HSP90AB1: variants seen among roughly 807,000 people sequenced by gnomAD.
HSP90AB1 encodes heat shock protein HSP 90-beta.
Under a neutral mutation model 67.8 loss-of-function variants are expected in HSP90AB1, and 17 were observed. The ratio of observed to expected loss-of-function variants is 0.25; its 90% confidence interval spans 0.17 to 0.38. The LOEUF is 0.38. HSP90AB1 is among the 10% of genes least tolerant of loss of function. The probability of loss-of-function intolerance (pLI) is 1.00; values close to 1 mark genes in which losing one functional copy is unlikely to be tolerated. For synonymous variants in HSP90AB1, 390 were observed against 312.9 expected, an observed-to-expected ratio of 1.25 and a Z score of -2.60; for missense variants, 690 against 899.9, an observed-to-expected ratio of 0.77 and a Z score of 2.98.
chr6:44,250,649 T>G, intron 6 of HSP90AB1, 50 bp downstream of exon 6: 8 of 931,474 alleles, frequency 8.6e-6, no homozygotes, highest in Non-Finnish European at 1.2e-5. Flanking sequence ...TGGAGAGGAA[T>G]GAGTTAGGTG....
chr6:44,252,530 CTGT>C (rs962104088), intron 10 of HSP90AB1, among the ~76,000 whole-genome samples: 1 of 151,946 alleles, frequency 6.6e-6, no homozygotes, highest in African/African-American at 2.4e-5. Flanking sequence ...GGGTCTCGCT[CTGT>C]CACCCAGGCT....
chr6:44,253,571 T>TG lies in HSP90AB1; in HGVS notation c.2149dup (p.Ala717GlyfsTer11). 1 of 1,614,066 alleles carries TG rather than the reference T, an allele frequency of 6.2e-7. No individual in the cohort carries two copies. The highest frequency in any genetic ancestry group is 8.5e-7 in the Non-Finnish European group (1 of 1,179,904). ...TCCCCCCTCTCGAGGGCGATGAGGA[T>TG]GCGTCTCGCATGGAAGAAGTCGATT... On this transcript the variant is annotated frameshift_variant, in exon 12 of 12. Coordinates refer to ENST00000371646, the MANE Select transcript of HSP90AB1 (RefSeq NM_007355.4). LOFTEE classifies it high-confidence loss of function.
rs767449892 is a variant in HSP90AB1, at chr6:44,253,065, T to G, written c.1752T>G (p.Leu584=). 2 of 1,613,810 alleles carry G rather than the reference T, an allele frequency of 1.2e-6. No homozygotes were observed. The highest frequency in any genetic ancestry group is 2.7e-5 in the African/African-American group (2 of 74,922). The change falls in exon 11 of 12, where the codon CTT becomes CTG. Residue 584 remains leucine (L), a synonymous_variant. Coordinates refer to ENST00000371646, the MANE Select transcript of HSP90AB1 (RefSeq NM_007355.4). Reference sequence around the variant, plus strand: ...CACAGGTGACAATCTCCAATAGACTTGTGTCTTCACCTTGCTGCATTGTGA... The same window carrying G: ...CACAGGTGACAATCTCCAATAGACTGGTGTCTTCACCTTGCTGCATTGTGA... ...KVEKVTISNR[L]VSSPCCIVTS...
intron 10 of HSP90AB1, among the ~76,000 whole-genome samples, chr6:44,252,787 A>G (rs550710143): frequency 1.3e-4 from 19 of 148,388 alleles, no homozygotes; most frequent in Non-Finnish European, 2.4e-4. Flanking sequence ...GCAAGCCACC[A>G]TGCCTGGCCG....
upstream of HSP90AB1, chr6:44,246,439 A>AGACAGGCCTGGAAACTGCTG (rs1779911810): frequency 6.6e-6 from 1 of 152,502 alleles, no homozygotes. Context: ...GGGACCGCCG[A>AGACAGGCCTGGAAACTGCTG]GACAGGCCTG....
Position 44,250,068 on chromosome 6 carries a change from G to C in HSP90AB1, c.562G>C (p.Asp188His). The C allele has an allele frequency of 6.2e-7, 1 of 1,614,146 alleles. No individual in the cohort carries two copies. Among genetic ancestry groups the C allele is most frequent in the Non-Finnish European group, 8.5e-7 (1 of 1,179,982 alleles). ...GTKVILHLKE[D>H]QTEYLEERRV... is the part of the protein sequence containing the mutation. ...CAAAGTGATCCTCCATCTTAAAGAA[G>C]ATCAGACAGAGTACCTAGAAGAGAG... Residue 188 changes from aspartate to histidine, a missense_variant, in exon 5 of 12, where the codon GAT (aspartate) becomes CAT (histidine). Coordinates refer to ENST00000371646, the MANE Select transcript of HSP90AB1 (RefSeq NM_007355.4).
chr6:44,253,800 G>A lies in HSP90AB1; in HGVS notation c.*202G>A, dbSNP rs748593515. On this transcript the variant is annotated 3_prime_UTR_variant, in exon 12 of 12. Transcript: ENST00000371646. The stretch of plus-strand genomic sequence containing the variant: ...TCTACTCTTGACAGCAGGATTGGAT[G>A]TTGTGTATTGTGGTTTATTTTATTT... 2.1e-5 allele frequency: 16 copies of A among 772,220 alleles called. No individual in the cohort carries two copies. Among genetic ancestry groups the A allele is most frequent in the East Asian group, 4.9e-5 (2 of 40,750 alleles). 47.8% of individuals were successfully genotyped at this position (772,220 alleles called of 1,614,324 possible). A position where few individuals can be genotyped will look rare whatever the true frequency, so the allele number is the denominator to read the frequency against.
intron 6 of HSP90AB1, 51 bp downstream of exon 6, chr6:44,250,650 GAGTT>G: frequency 1.0e-6 from 1 of 981,080 alleles, no homozygotes; most frequent in Non-Finnish European, 1.6e-6. Flanking sequence ...GGAGAGGAAT[GAGTT>G]AGGTGGAAGA....
chr6:44,249,852 T>C lies in HSP90AB1; in HGVS notation c.514+18T>C, dbSNP rs1446542703. On this transcript the variant is annotated intron_variant, in intron 4 of 11. Transcript: ENST00000371646. ...TGACCATGGTAAGTTAGCTTTTCTG[T>C]TACAAGGTAGTTGGGTTAGGATTTT... 2.8e-5 allele frequency: 45 copies of C among 1,600,978 alleles called. No homozygotes were observed. The highest frequency in any genetic ancestry group is 3.8e-5 in the Non-Finnish European group (44 of 1,172,774).
chr6:44,251,819 T>A lies in HSP90AB1; in HGVS notation c.1397T>A (p.Met466Lys). 1.9e-6 allele frequency: 3 copies of A among 1,613,088 alleles called. No individual in the cohort carries two copies. Among genetic ancestry groups the A allele is most frequent in the Non-Finnish European group, 2.5e-6 (3 of 1,180,036 alleles). ...CATACCTCCCAGTCTGGAGATGAGATGACATCTCTGTCAGAGTATGTTTCT... is the reference window on the plus strand; with the variant it reads ...CATACCTCCCAGTCTGGAGATGAGAAGACATCTCTGTCAGAGTATGTTTCT... ...RYHTSQSGDEMTSLSEYVSRM... is the reference protein window; with the variant it reads ...RYHTSQSGDEKTSLSEYVSRM... The change falls in exon 9 of 12, where the codon ATG becomes AAG. Residue 466 changes from methionine to lysine, a missense_variant. Met to Lys is a moderately conservative substitution (Grantham distance 95). This residue lies in a region of HSP90AB1 where 206 missense variants were observed against 221.4 expected (regional missense o/e 0.93). Transcript: ENST00000371646.
chr6:44,248,543 T>C, intron 1 of HSP90AB1, 87 bp from the exon 2 acceptor site: 1 of 1,259,962 alleles, frequency 7.9e-7, no homozygotes, highest in Non-Finnish European at 1.1e-6. Context: ...ACTCACTGTC[T>C]AAGGTCCTAA....
rs34706947 is a variant in HSP90AB1, at chr6:44,253,332, C to G, written c.2019C>G (p.Pro673=). 364 of 1,614,196 alleles carry G rather than the reference C, an allele frequency of 2.3e-4. No homozygotes were observed. In the African/African-American group the frequency reaches 4.0e-3, roughly 18 times the overall value. ...LLSSGFSLED[P]QTHSNRIYRM... ...CTTCTGGCTTTTCCCTTGAGGATCC[C>G]CAGACCCACTCCAACCGCATCTATC... Residue 673 remains proline (P), a synonymous_variant, in exon 11 of 12, where the codon CCC becomes CCG. Transcript: ENST00000371646.
Position 44,248,662 on chromosome 6 carries a change from G to T in HSP90AB1, c.33G>T (p.Glu11Asp), listed in dbSNP as rs138337568. The T allele has an allele frequency of 2.4e-5, 39 of 1,613,932 alleles. No homozygotes were observed. Among genetic ancestry groups the T allele is most frequent in the Non-Finnish European group, 3.1e-5 (36 of 1,179,888 alleles). Residue 11 changes from glutamate (E) to aspartate (D), a missense_variant, in exon 2 of 12, where the codon GAG becomes GAT. This residue lies in a region of HSP90AB1 where 25 missense variants were observed against 18.0 expected (regional missense o/e 1.39). Transcript: ENST00000371646. MPEEVHHGEEEVETFAFQAEI... is the reference protein window; with the variant it reads MPEEVHHGEEDVETFAFQAEI... ...AGGAAGTGCACCATGGAGAGGAGGA[G>T]GTGGAGACTTTTGCCTTTCAGGCAG...
intron 7 of HSP90AB1, 74 bp downstream of exon 7, chr6:44,251,287 A>G: frequency 1.3e-6 from 2 of 1,573,002 alleles, no homozygotes; most frequent in South Asian, 2.2e-5. Context: ...GGATATTCTA[A>G]GGTAACAGTT....
chr6:44,253,636 T>C lies in HSP90AB1; in HGVS notation c.*38T>C, dbSNP rs1484048386. 4.0e-6 allele frequency: 6 copies of C among 1,499,016 alleles called. No individual in the cohort carries two copies. Among genetic ancestry groups the C allele is most frequent in the Non-Finnish European group, 5.6e-6 (6 of 1,075,330 alleles). The allele number at this position is 1,499,016 out of a possible 1,614,324, so 92.9% of individuals were successfully genotyped here. On this transcript the variant is annotated 3_prime_UTR_variant, in exon 12 of 12. Transcript: ENST00000371646. ...TAGTTGGAAAACTTGTGCCCTTGTA[T>C]AGTGTCCCCATGGGCTCCCACTGCA...
Position 44,252,388 on chromosome 6 carries a change from C to T in HSP90AB1, c.1731+121C>T, listed in dbSNP as rs538176218. On this transcript the variant is annotated intron_variant, in intron 10 of 11. Transcript: ENST00000371646. ...TATTTACTGTTTCATGCCTTCTTGC[C>T]TCTTGTTCTCTTCTCTAGTCAGGTT... 8.2e-6 allele frequency: 7 copies of T among 853,480 alleles called. No homozygotes were observed. The South Asian group carries it at 8.4e-5, about 10-fold the overall frequency. 52.9% of individuals were successfully genotyped at this position (853,480 alleles called of 1,614,324 possible).
chr6:44,252,664 T>C (rs531531740), intron 10 of HSP90AB1, among the ~76,000 whole-genome samples: 2 of 152,190 alleles, frequency 1.3e-5, no homozygotes, highest in Admixed American at 6.5e-5. Context: ...CCCCGGCTAA[T>C]TTTTTGTATT....
Position 44,251,403 on chromosome 6 carries a change from C to T in HSP90AB1, c.1124-15C>T. On this transcript the variant is annotated splice_polypyrimidine_tract_variant and intron_variant, in intron 7 of 11. Transcript: ENST00000371646. ...GCTGTTTTTTACTGAGCTTTCTCAC[C>T]CTGGTTGATGGCAGATTTTATCCGT... 3 of 1,596,274 alleles carry T rather than the reference C, an allele frequency of 1.9e-6. No individual in the cohort carries two copies. Among genetic ancestry groups the T allele is most frequent in the Admixed American group, 1.7e-5 (1 of 57,394 alleles).
At chr6:44,252,997 TCTTTCA>T in intron 10 of HSP90AB1, 42 bp from the exon 11 acceptor site, 1 of 1,500,022 alleles carries the variant, frequency 6.7e-7, no homozygotes, top group South Asian at 1.2e-5. Flanking sequence ...GCCTGTTTTC[TCTTTCA>T]AAGTGGTAAT....
Sources: gnomAD v4.1 joint callset for allele counts (sites outside exome capture counted in the v4.1 genomes callset) on GRCh38, gnomAD v4.1.1 for gene constraint, gnomAD v4.1.1 regional missense constraint, MANE v1.5 for transcripts, NCBI Gene and HGNC (gene_info 2026-07-23, HGNC 2026-07-21) for gene names.